AFTPH: variants seen among roughly 807,000 people sequenced by gnomAD.
AFTPH encodes the protein aftiphilin protein.
Under a neutral mutation model 72.5 loss-of-function variants are expected in AFTPH, and 7 were observed. The observed-to-expected ratio is 0.10, with a 90% confidence interval of 0.05 to 0.18. The LOEUF (loss-of-function observed/expected upper bound fraction) is 0.18, where lower values mean the gene tolerates loss of function less well. Among genes scored for constraint, AFTPH ranks in the 10% least tolerant of loss-of-function variants. The pLI, the probability that AFTPH is intolerant of heterozygous loss-of-function variation, is 1.00. For synonymous variants in AFTPH, 337 were observed against 370.1 expected, an observed-to-expected ratio of 0.91 and a Z score of 1.03; for missense variants, 979 against 1,060.5, an observed-to-expected ratio of 0.92 and a Z score of 1.07.
intron 1 of AFTPH, among the ~76,000 whole-genome samples, chr2:64,538,441 C>T (rs1670006767): frequency 6.6e-6 from 1 of 152,130 alleles, no homozygotes; most frequent in African/African-American, 2.4e-5. Context: ...GTGGCATTAC[C>T]TGTGTACACT....
chr2:64,550,615 A>C (rs2103929784), intron 1 of AFTPH, among the ~76,000 whole-genome samples: 1 of 151,412 alleles, frequency 6.6e-6, no homozygotes, highest in African/African-American at 2.4e-5. Context: ...AACAGTTCTT[A>C]TCCTGATTGT....
At chr2:64,524,653 A>G (rs1044252605) in intron 1 of AFTPH, 41 bp downstream of exon 1, 17 of 396,252 alleles carry the variant, frequency 4.3e-5, no homozygotes, top group African/African-American at 1.9e-4. Flanking sequence ...CGCCGGGGAA[A>G]GAGGGTGCGG....
At chr2:64,573,094 T>C (rs766948116) in intron 6 of AFTPH, 26 bp downstream of exon 6, 2 of 1,570,056 alleles carry the variant, frequency 1.3e-6, no homozygotes, top group Non-Finnish European at 1.8e-6. Context: ...TGTGTATAAA[T>C]ATGTTTATGC....
At chr2:64,562,809 A>G (rs1671820414) in intron 2 of AFTPH, among the ~76,000 whole-genome samples, 1 of 152,196 alleles carries the variant, frequency 6.6e-6, no homozygotes, top group African/African-American at 2.4e-5. Flanking sequence ...CTTTTGCTGA[A>G]TTTAGGCTCC....
chr2:64,524,911 C>T (rs1217074285), intron 1 of AFTPH, among the ~76,000 whole-genome samples: 1 of 152,258 alleles, frequency 6.6e-6, no homozygotes, highest in Non-Finnish European at 1.5e-5. Context: ...CTCTCCCTGC[C>T]CCTTTGCTTC....
chr2:64,587,368 T>TA lies in AFTPH; in HGVS notation c.2579+1830dup, dbSNP rs576371950. Among the ~76,000 whole-genome samples the TA allele has an allele frequency of 1.4e-3, 216 of 152,208 alleles. 2 individuals are homozygous for TA. The highest frequency in any genetic ancestry group is 5.2e-3 in the South Asian group (25 of 4,810). On this transcript the variant is annotated intron_variant, in intron 8 of 8. Coordinates refer to ENST00000238856, the Ensembl canonical transcript of AFTPH. ...TTTGAGAAATGTCATTTGAAAATGG[T>TA]AAAAAAATACAAATGCCCGCAAGTC...
At chr2:64,532,258 G>T (rs140970521) in intron 1 of AFTPH, among the ~76,000 whole-genome samples, 93 of 152,250 alleles carry the variant, frequency 6.1e-4, no homozygotes, top group South Asian at 1.5e-3. Context: ...AGAAGGCCTA[G>T]CCTAGAGCAT....
intron 1 of AFTPH, among the ~76,000 whole-genome samples, chr2:64,541,566 T>G (rs1670254787): frequency 6.6e-6 from 1 of 152,184 alleles, no homozygotes; most frequent in African/African-American, 2.4e-5. Flanking sequence ...TTCATGTGGT[T>G]CAGAAGAAGG....
exon 2 of AFTPH, chr2:64,551,780 A>G: frequency 1.2e-6 from 2 of 1,613,676 alleles, no homozygotes; most frequent in South Asian, 1.1e-5. Context: ...CTGTGAAAGG[A>G]CAGTCTGATG....
chr2:64,532,925 G>A (rs185327694), intron 1 of AFTPH, among the ~76,000 whole-genome samples: 2 of 152,114 alleles, frequency 1.3e-5, no homozygotes, highest in Non-Finnish European at 2.9e-5. Flanking sequence ...CAAGGAGTAA[G>A]ATCAAATAAG....
chr2:64,579,396 ATGGTCTTGC>A, intron 6 of AFTPH, 81 bp from the exon 7 acceptor site: 2 of 978,622 alleles, frequency 2.0e-6, no homozygotes, highest in Non-Finnish European at 3.1e-6. Context: ...TTGTTGCCTA[ATGGTCTTGC>A]TATAATTTTT....
intron 1 of AFTPH, among the ~76,000 whole-genome samples, chr2:64,534,754 T>C (rs1669798004): frequency 6.6e-6 from 1 of 151,944 alleles, no homozygotes; most frequent in Non-Finnish European, 1.5e-5. Flanking sequence ...TTTTTTTTTT[T>C]TTCTGAGAAT....
At chr2:64,547,109 A>G (rs994392206) in intron 1 of AFTPH, among the ~76,000 whole-genome samples, 4 of 152,198 alleles carry the variant, frequency 2.6e-5, no homozygotes, top group Non-Finnish European at 5.9e-5. Flanking sequence ...TAACCTTGAT[A>G]CATTGCTGCT....
intron 2 of AFTPH, among the ~76,000 whole-genome samples, chr2:64,554,215 C>A (rs1671224893): frequency 6.6e-6 from 1 of 152,146 alleles, no homozygotes; most frequent in Admixed American, 6.5e-5. Context: ...GATTCAGACT[C>A]TTTCAGAAAA....
chr2:64,533,813 A>C (rs972613347), intron 1 of AFTPH, among the ~76,000 whole-genome samples: 3 of 152,206 alleles, frequency 2.0e-5, no homozygotes, highest in Admixed American at 6.5e-5. Context: ...TGAAAATTCT[A>C]TATTGCTAAC....
intron 5 of AFTPH, among the ~76,000 whole-genome samples, chr2:64,570,268 G>GT (rs1201083854): frequency 1.3e-5 from 2 of 152,040 alleles, no homozygotes; most frequent in Non-Finnish European, 2.9e-5. Flanking sequence ...TGATGTTTGT[G>GT]TTTTTTGGTG....
At chr2:64,567,461 C>T in intron 2 of AFTPH, 101 bp from the exon 3 acceptor site, 1 of 1,188,756 alleles carries the variant, frequency 8.4e-7, no homozygotes, top group East Asian at 2.5e-5. Context: ...TCCTCTCTCA[C>T]AGTAGTGGAC....
chr2:64,573,851 T>C (rs1199217915), intron 6 of AFTPH, among the ~76,000 whole-genome samples: 1 of 152,022 alleles, frequency 6.6e-6, no homozygotes, highest in African/African-American at 2.4e-5. Context: ...AGAGATGGGG[T>C]TTCACCATGT....
At chr2:64,530,923 G>A (rs924270653) in intron 1 of AFTPH, among the ~76,000 whole-genome samples, 4 of 151,828 alleles carry the variant, frequency 2.6e-5, no homozygotes, top group Admixed American at 1.3e-4. Context: ...TTAGCCAGGC[G>A]TGGTGTCAGG....
Sources: allele counts gnomAD v4.1 joint callset (sites outside exome capture counted in the v4.1 genomes callset), GRCh38; gene constraint gnomAD v4.1.1; transcripts MANE v1.5; gene names NCBI Gene and HGNC (gene_info 2026-07-23, HGNC 2026-07-21).